Variants in TET1 observed in about 807,000 individuals in gnomAD.
The protein encoded by TET1 is methylcytosine dioxygenase TET1.
In TET1, 13 loss-of-function variants were observed where a neutral mutation model predicts 148.7. The ratio of observed to expected loss-of-function variants is 0.09; its 90% CI spans 0.06 to 0.14. The LOEUF is 0.14. Among genes scored for constraint, TET1 ranks in the 10% least tolerant of loss-of-function variants. The pLI, the probability that TET1 is intolerant of heterozygous loss-of-function variation, is 1.00. For missense variants in TET1, 2,182 were observed against 2,553.8 expected (o/e 0.85, Z 3.14); for synonymous variants, 907 against 937.2 (o/e 0.97, Z 0.59).
intron 1 of TET1, among the ~76,000 whole-genome samples, chr10:68,564,069 T>C (rs1462983886): frequency 6.6e-6 from 1 of 152,200 alleles, no homozygotes; most frequent in East Asian, 1.9e-4. Flanking sequence ...GTTGGGTTAT[T>C]ATCTCCTAGC....
rs544240550 is a variant in TET1, at chr10:68,690,467, G to A, written c.5405-341G>A. Among the ~76,000 whole-genome samples, 4 of 152,302 alleles carry A rather than the reference G, an allele frequency of 2.6e-5. No homozygotes were observed. The East Asian group carries it at 7.7e-4, about 29-fold the overall frequency. On this transcript the variant is annotated intron_variant, in intron 11 of 11. Coordinates refer to ENST00000373644, the MANE Select transcript of TET1 (RefSeq NM_030625.3). The stretch of plus-strand genomic sequence containing the variant: ...CTAAAAAATACAAAAAATTAGCCAG[G>A]CGTGGTGGCAGGCGCCTGTAGTCCC...
intron 2 of TET1, among the ~76,000 whole-genome samples, chr10:68,586,669 G>T: frequency 6.6e-6 from 1 of 151,146 alleles, no homozygotes; most frequent in African/African-American, 2.4e-5. Flanking sequence ...CAGATTTGAA[G>T]GAATGCAATT....
At chr10:68,614,184 A>T (rs1564968723) in intron 3 of TET1, among the ~76,000 whole-genome samples, 1 of 152,182 alleles carries the variant, frequency 6.6e-6, no homozygotes, top group Non-Finnish European at 1.5e-5. Context: ...TCACTTCACT[A>T]AAACAACTTA....
At chr10:68,592,937 T>G (rs2053935117) in intron 2 of TET1, among the ~76,000 whole-genome samples, 1 of 152,082 alleles carries the variant, frequency 6.6e-6, no homozygotes, top group South Asian at 2.1e-4. Context: ...TATGTCTGCA[T>G]GAGAGAGGTG....
At chr10:68,562,351 C>T (rs2053563928) in intron 1 of TET1, among the ~76,000 whole-genome samples, 1 of 152,096 alleles carries the variant, frequency 6.6e-6, no homozygotes, top group Non-Finnish European at 1.5e-5. Context: ...AAACCAGGGG[C>T]AGGGGTACAC....
At chr10:68,687,887 T>G (rs2055536739) in intron 11 of TET1, among the ~76,000 whole-genome samples, 1 of 152,168 alleles carries the variant, frequency 6.6e-6, no homozygotes, top group Admixed American at 6.5e-5. Flanking sequence ...GATTTGTTGA[T>G]TATAAAGTCT....
chr10:68,594,983 A>G (rs2053961313), intron 2 of TET1, among the ~76,000 whole-genome samples: 1 of 147,968 alleles, frequency 6.8e-6, no homozygotes, highest in Non-Finnish European at 1.5e-5. Flanking sequence ...ACCATCTCAA[A>G]AAAAAAAAAA....
At chr10:68,652,661 C>T in intron 6 of TET1, 67 bp downstream of exon 6, 1 of 1,061,634 alleles carries the variant, frequency 9.4e-7, no homozygotes, top group East Asian at 2.5e-5. Flanking sequence ...TATACATTTA[C>T]AATAGCCAGA....
chr10:68,602,056 A>C (rs933290313), intron 3 of TET1, among the ~76,000 whole-genome samples: 1 of 152,206 alleles, frequency 6.6e-6, no homozygotes, highest in African/African-American at 2.4e-5. Flanking sequence ...CCCTGCTTTC[A>C]AATTTGCCTG....
At chr10:68,591,036 G>A (rs898364916) in intron 2 of TET1, among the ~76,000 whole-genome samples, 8 of 152,012 alleles carry the variant, frequency 5.3e-5, no homozygotes, top group Admixed American at 5.2e-4. Context: ...TGTATTTTTA[G>A]TAGAGATGGG....
chr10:68,641,174 G>C (rs2054747523), intron 3 of TET1, among the ~76,000 whole-genome samples: 1 of 151,862 alleles, frequency 6.6e-6, no homozygotes, highest in Non-Finnish European at 1.5e-5. Context: ...TTGGCAACAT[G>C]ATAATCTGTT....
At chr10:68,591,079 TC>T (rs1343269190) in intron 2 of TET1, among the ~76,000 whole-genome samples, 1 of 152,156 alleles carries the variant, frequency 6.6e-6, no homozygotes, top group African/African-American at 2.4e-5. Context: ...GGTCTCGAAC[TC>T]CCGACCTCAG....
At position 68,652,636 on chromosome 10, in the gene TET1, T is replaced by G. The variant is rs781504005; in HGVS notation, c.4461+42T>G. On this transcript the variant is annotated intron_variant, in intron 6 of 11. Coordinates refer to ENST00000373644, the MANE Select transcript of TET1 (RefSeq NM_030625.3). ...TATACATTTTTTTGAAGCTTGTTAT[T>G]CCAGAGCTGATATTTATACATTTAC... 3.3e-5 allele frequency: 44 copies of G among 1,322,258 alleles called. 1 individual carries two copies. Among genetic ancestry groups the G allele is most frequent in the Middle Eastern group, 1.8e-4 (1 of 5,442 alleles). 81.9% of individuals were successfully genotyped at this position (1,322,258 alleles called of 1,614,324 possible).
At chr10:68,586,008 A>AC (rs1334955556) in intron 2 of TET1, among the ~76,000 whole-genome samples, 1 of 151,634 alleles carries the variant, frequency 6.6e-6, no homozygotes, top group Non-Finnish European at 1.5e-5. Context: ...ATCTCAAAAA[A>AC]AAAAAAAAAA....
chr10:68,644,436 G>A (rs2054808891), intron 3 of TET1, among the ~76,000 whole-genome samples: 1 of 152,054 alleles, frequency 6.6e-6, no homozygotes. Flanking sequence ...GAATTCCTGG[G>A]CTCAAGCGAT....
At chr10:68,574,319 C>A (rs1216107645) in intron 2 of TET1, 67 bp downstream of exon 2, 2 of 1,265,368 alleles carry the variant, frequency 1.6e-6, no homozygotes, top group African/African-American at 1.5e-5. Flanking sequence ...TGCAGAGACA[C>A]TTCTAGTGTC....
intron 3 of TET1, among the ~76,000 whole-genome samples, chr10:68,639,463 C>CTATTAT (rs1554941098): frequency 8.0e-5 from 4 of 50,050 alleles, no homozygotes; most frequent in Admixed American, 2.2e-4. Flanking sequence ...ACTACTACTA[C>CTATTAT]TACTATTATT....
chr10:68,612,512 G>A (rs2054231738), intron 3 of TET1, among the ~76,000 whole-genome samples: 1 of 152,172 alleles, frequency 6.6e-6, no homozygotes, highest in South Asian at 2.1e-4. Context: ...TGGGCAACAT[G>A]TTGGGATCCA....
Position 68,565,837 on chromosome 10 carries a change from T to G in TET1, c.-123+5095T>G, listed in dbSNP as rs1268718571. On this transcript the variant is annotated intron_variant, in intron 1 of 11. Transcript: ENST00000373644. ...GGAGTCCTTATTTTGTTTCTGGTTG[T>G]CTCTGATTCTTTGGCTGGGTGGCAC... Among the ~76,000 whole-genome samples the G allele has an allele frequency of 3.9e-5, 6 of 152,138 alleles. No homozygotes were observed. The South Asian group carries it at 1.0e-3, about 26-fold the overall frequency.
Sources: allele counts gnomAD v4.1 joint callset (sites outside exome capture counted in the v4.1 genomes callset), GRCh38; gene constraint gnomAD v4.1.1; transcripts MANE v1.5; gene names NCBI Gene and HGNC (gene_info 2026-07-23, HGNC 2026-07-21).